OR51B5: variants seen among roughly 807,000 people sequenced by gnomAD.
OR51B5 encodes olfactory receptor 51B5.
For synonymous variants in OR51B5, 186 were observed against 144.8 expected (o/e 1.28, Z -2.04); for missense variants, 456 against 374.6 (o/e 1.22, Z -1.79).
chr11:5,461,462 T>G (rs1418218536), intron 1 of OR51B5, among the ~76,000 whole-genome samples: 1 of 152,158 alleles, frequency 6.6e-6, no homozygotes, highest in Admixed American at 6.5e-5. Flanking sequence ...GCTGGCAGAC[T>G]GGGGCTCATT....
intron 1 of OR51B5, among the ~76,000 whole-genome samples, chr11:5,485,168 T>C (rs1463730171): frequency 2.0e-5 from 3 of 152,024 alleles, no homozygotes; most frequent in African/African-American, 7.3e-5. Flanking sequence ...TCCCCTTCAC[T>C]CTTAGCCCAG....
intron 1 of OR51B5, among the ~76,000 whole-genome samples, chr11:5,372,709 C>A (rs1023583028): frequency 7.9e-5 from 12 of 152,050 alleles, no homozygotes; most frequent in Non-Finnish European, 8.8e-5. Context: ...CCAAACTGTT[C>A]CTTTTGATGA....
At chr11:5,479,197 G>A (rs964145226) in intron 1 of OR51B5, among the ~76,000 whole-genome samples, 8 of 147,172 alleles carry the variant, frequency 5.4e-5, no homozygotes, top group African/African-American at 2.0e-4. Flanking sequence ...AGAGAGTGGG[G>A]GCCAATATTC....
chr11:5,457,371 C>A (rs1371241100), intron 1 of OR51B5, among the ~76,000 whole-genome samples: 5 of 152,186 alleles, frequency 3.3e-5, no homozygotes, highest in African/African-American at 1.2e-4. Flanking sequence ...TTTCTTTAAC[C>A]AGTCCACTGC....
At chr11:5,453,842 G>A in intron 1 of OR51B5, 1 of 1,614,202 alleles carries the variant, frequency 6.2e-7, no homozygotes, top group South Asian at 1.1e-5. Context: ...TGCTGGCCAT[G>A]AGTTTTGACC....
chr11:5,471,419 C>A (rs913961013), intron 1 of OR51B5, among the ~76,000 whole-genome samples: 2 of 151,892 alleles, frequency 1.3e-5, no homozygotes, highest in Non-Finnish European at 2.9e-5. Flanking sequence ...AGGTGGATCA[C>A]GAGGTCAGGA....
chr11:5,355,331 T>A (rs1230961567), intron 1 of OR51B5: 1 of 159,480 alleles, frequency 6.3e-6, no homozygotes, highest in African/African-American at 2.4e-5. Flanking sequence ...GAAGCTAAGT[T>A]TCATAAGGAA....
intron 1 of OR51B5, among the ~76,000 whole-genome samples, chr11:5,486,887 A>G (rs1243591583): frequency 2.0e-5 from 3 of 152,168 alleles, no homozygotes; most frequent in South Asian, 2.1e-4. Flanking sequence ...GTAGGAATCA[A>G]TAAGATGCCT....
chr11:5,471,963 G>A (rs1039202403), intron 1 of OR51B5, among the ~76,000 whole-genome samples: 1 of 152,158 alleles, frequency 6.6e-6, no homozygotes, highest in Non-Finnish European at 1.5e-5. Flanking sequence ...GGGGCTGAAA[G>A]TTCCGGATCC....
intron 1 of OR51B5, among the ~76,000 whole-genome samples, chr11:5,412,297 C>T (rs1435951063): frequency 1.3e-5 from 2 of 152,142 alleles, no homozygotes; most frequent in Non-Finnish European, 2.9e-5. Flanking sequence ...TAAAAAGCAT[C>T]GAACCGGGAG....
intron 1 of OR51B5, among the ~76,000 whole-genome samples, chr11:5,490,022 T>G (rs1410823010): frequency 6.6e-6 from 1 of 152,226 alleles, no homozygotes; most frequent in East Asian, 1.9e-4. Context: ...AGGTTTGGAA[T>G]GAATTTGAGT....
chr11:5,409,757 G>A (rs1850115375), intron 1 of OR51B5, among the ~76,000 whole-genome samples: 1 of 152,106 alleles, frequency 6.6e-6, no homozygotes, highest in African/African-American at 2.4e-5. Flanking sequence ...AAGAGATAAT[G>A]GTTGAGAATT....
At chr11:5,357,256 G>T (rs982844044) in intron 1 of OR51B5, among the ~76,000 whole-genome samples, 1 of 151,934 alleles carries the variant, frequency 6.6e-6, no homozygotes, top group Non-Finnish European at 1.5e-5. Flanking sequence ...ACACACATAG[G>T]CTCAAAATAA....
At chr11:5,393,440 G>C (rs938044622) in intron 1 of OR51B5, among the ~76,000 whole-genome samples, 1 of 151,978 alleles carries the variant, frequency 6.6e-6, no homozygotes, top group Non-Finnish European at 1.5e-5. Context: ...ATAAATATTT[G>C]TATCAAAAGA....
At chr11:5,503,391 G>A (rs1042934983) in intron 1 of OR51B5, among the ~76,000 whole-genome samples, 6 of 151,898 alleles carry the variant, frequency 4.0e-5, no homozygotes, top group African/African-American at 7.2e-5. Context: ...ACCCAAATGC[G>A]TAAAGCTTAT....
rs1374450483 is a variant in OR51B5 at position 5,342,782 on chromosome 11, A to T, written c.743T>A (p.Val248Asp). The change falls in exon 1 of 1, where the codon GTT becomes GAT. Residue 248 changes from valine to aspartate, a missense_variant. By Grantham distance (152) the Val-to-Asp change is radical. Coordinates refer to ENST00000300773, the Ensembl canonical transcript of OR51B5. The stretch of plus-strand genomic sequence containing the variant: ...CAATCCAATCACTGTGACATAAAAA[A>T]CCAGGACACAGCAGATATGGGAGAC... 6 of 1,613,576 alleles carry T rather than the reference A, an allele frequency of 3.7e-6. No homozygotes were observed. In the Admixed American group the frequency reaches 1.0e-4, roughly 27 times the overall value.
chr11:5,402,731 T>C, intron 1 of OR51B5: 1 of 471,404 alleles, frequency 2.1e-6, no homozygotes, highest in Admixed American at 2.3e-5. Flanking sequence ...TCCTTGGGAA[T>C]GGCATCATTC....
intron 1 of OR51B5, among the ~76,000 whole-genome samples, chr11:5,435,831 A>G (rs183701057): frequency 1.3e-5 from 2 of 152,344 alleles, no homozygotes; most frequent in African/African-American, 2.4e-5. Flanking sequence ...AGCAGAAACA[A>G]TAACTTTCTT....
chr11:5,476,483 A>T (rs1851308096), intron 1 of OR51B5, among the ~76,000 whole-genome samples: 1 of 152,198 alleles, frequency 6.6e-6, no homozygotes, highest in Non-Finnish European at 1.5e-5. Flanking sequence ...GGGGTCTGAC[A>T]TGTTTAGGTG....
Sources: gnomAD v4.1 joint callset for allele counts (sites outside exome capture counted in the v4.1 genomes callset) on GRCh38, gnomAD v4.1.1 for gene constraint, MANE v1.5 for transcripts, NCBI Gene and HGNC (gene_info 2026-07-23, HGNC 2026-07-21) for gene names.